The following SHANK2 variants were observed in gnomAD, a reference collection of about 807,000 sequenced individuals.
The protein encoded by SHANK2 is SH3 and multiple ankyrin repeat domains 2.
A neutral mutation model predicts 133.7 loss-of-function variants in SHANK2; 43 were observed. The ratio of observed to expected loss-of-function variants is 0.32; its 90% CI spans 0.25 to 0.41. SHANK2 has a LOEUF of 0.41. Among genes scored for constraint, SHANK2 ranks in the 10% least tolerant of loss-of-function variants. The pLI, the probability that SHANK2 is intolerant of heterozygous loss-of-function variation, is 1.00. For synonymous variants in SHANK2, 1,017 were observed against 952.8 expected (o/e 1.07, Z -1.24); for missense variants, 1,994 against 2,235.8 (o/e 0.89, Z 2.18).
rs117561057 is a variant in SHANK2 at position 71,223,808 on chromosome 11, C to T, written c.-13+889G>A. 2.5e-3 allele frequency among the ~76,000 whole-genome samples: 381 copies of T among 152,264 alleles called. 9 individuals carry two copies. The East Asian group carries it at 0.067, about 27-fold the overall frequency. ...GCACCACCAGGTACACCCCCATCCA[C>T]GTGAAAATGACGGAGAGGAACTGGA... is the stretch of plus-strand genomic sequence containing the variant. On this transcript the variant is annotated intron_variant, in intron 2 of 25. Coordinates refer to ENST00000601538, the MANE Select transcript of SHANK2 (RefSeq NM_012309.5).
chr11:71,170,081 G>A (rs924454813), intron 2 of SHANK2, among the ~76,000 whole-genome samples: 1 of 151,940 alleles, frequency 6.6e-6, no homozygotes, highest in Non-Finnish European at 1.5e-5. Context: ...AGTTAATTTG[G>A]AATATTTTAG....
intron 10 of SHANK2, among the ~76,000 whole-genome samples, chr11:70,924,970 G>A (rs886916620): frequency 2.6e-5 from 4 of 152,190 alleles, no homozygotes; most frequent in Middle Eastern, 6.8e-3. Flanking sequence ...ATCACCATCC[G>A]GGCTCACAGG....
chr11:70,628,974 G>T (rs1420767094), intron 17 of SHANK2, among the ~76,000 whole-genome samples: 3 of 152,322 alleles, frequency 2.0e-5, no homozygotes, highest in African/African-American at 7.2e-5. Context: ...TACCATTGTT[G>T]TGAGCGGAAG....
At chr11:70,901,977 C>T (rs184448932) in intron 10 of SHANK2, among the ~76,000 whole-genome samples, 13 of 152,304 alleles carry the variant, frequency 8.5e-5, no homozygotes, top group Admixed American at 8.5e-4. Context: ...GACAAGAAAC[C>T]ATGGCCTTGG....
chr11:70,845,721 C>T (rs988927588), intron 11 of SHANK2, among the ~76,000 whole-genome samples: 4 of 152,180 alleles, frequency 2.6e-5, no homozygotes, highest in South Asian at 2.1e-4. Context: ...CAGACGGCCC[C>T]GGGTGAATGA....
intron 8 of SHANK2, among the ~76,000 whole-genome samples, chr11:71,090,088 CGTGTGTGTGTGTGTGT>C (rs1302645293): frequency 7.1e-6 from 1 of 141,034 alleles, no homozygotes; most frequent in South Asian, 2.3e-4. Flanking sequence ...AGACACAGAA[CGTGTGTGTGTGTGTGT>C]GTGTGTGTGT....
At chr11:70,639,316 C>T (rs1024040563) in intron 17 of SHANK2, among the ~76,000 whole-genome samples, 1 of 152,146 alleles carries the variant, frequency 6.6e-6, no homozygotes, top group African/African-American at 2.4e-5. Flanking sequence ...TTCTAGACAA[C>T]AGAAATGTAT....
chr11:70,881,029 C>G (rs1389691292), intron 11 of SHANK2, among the ~76,000 whole-genome samples: 1 of 152,200 alleles, frequency 6.6e-6, no homozygotes, highest in Non-Finnish European at 1.5e-5. Context: ...TCTGGAAGCA[C>G]CTTGAGAGTC....
chr11:70,761,161 C>A (rs2134978680), intron 14 of SHANK2, among the ~76,000 whole-genome samples: 1 of 152,272 alleles, frequency 6.6e-6, no homozygotes, highest in South Asian at 2.1e-4. Flanking sequence ...TGTTGAAACC[C>A]AAACCTCTAA....
intron 3 of SHANK2, among the ~76,000 whole-genome samples, chr11:71,123,316 G>A (rs1952113735): frequency 6.6e-6 from 1 of 152,204 alleles, no homozygotes. Flanking sequence ...TTGTAGTGGG[G>A]AAAAACACCT....
At chr11:70,895,858 T>C (rs182008603) in intron 11 of SHANK2, among the ~76,000 whole-genome samples, 3 of 152,114 alleles carry the variant, frequency 2.0e-5, no homozygotes, top group Admixed American at 1.3e-4. Context: ...GATGTCATAT[T>C]TTTAGAGCAG....
intron 15 of SHANK2, among the ~76,000 whole-genome samples, chr11:70,695,142 G>C (rs1565247917): frequency 6.6e-6 from 1 of 152,162 alleles, no homozygotes; most frequent in Non-Finnish European, 1.5e-5. Context: ...GACAGGTGGG[G>C]GCCAGAGTCT....
intron 17 of SHANK2, among the ~76,000 whole-genome samples, chr11:70,649,647 AG>A (rs1317697168): frequency 2.7e-5 from 4 of 149,952 alleles, no homozygotes; most frequent in Non-Finnish European, 5.9e-5. Flanking sequence ...GGGAGGGAGG[AG>A]GGGGGCAGGT....
chr11:70,628,834 A>C (rs1555000954), intron 17 of SHANK2, among the ~76,000 whole-genome samples: 4 of 152,234 alleles, frequency 2.6e-5, no homozygotes, highest in Non-Finnish European at 1.5e-5. Context: ...GGGAGTGAAC[A>C]GGTCCCAGAG....
At chr11:70,924,074 C>T (rs188663436) in intron 10 of SHANK2, among the ~76,000 whole-genome samples, 35 of 152,300 alleles carry the variant, frequency 2.3e-4, no homozygotes, top group Middle Eastern at 3.4e-3. Flanking sequence ...GAAACCAATA[C>T]CATCACAGGG....
At chr11:70,478,161 T>C (rs2058687955) in intron 25 of SHANK2, among the ~76,000 whole-genome samples, 1 of 152,036 alleles carries the variant, frequency 6.6e-6, no homozygotes, top group African/African-American at 2.4e-5. Flanking sequence ...TTTTTACTGT[T>C]TACAAATTCA....
intron 14 of SHANK2, among the ~76,000 whole-genome samples, chr11:70,771,601 T>C (rs1056968892): frequency 1.1e-4 from 17 of 152,034 alleles, no homozygotes; most frequent in Admixed American, 6.5e-4. Flanking sequence ...TGGCAGTTAC[T>C]TCACAGGACA....
intron 3 of SHANK2, among the ~76,000 whole-genome samples, chr11:71,141,106 T>A (rs1952545649): frequency 6.6e-6 from 1 of 152,254 alleles, no homozygotes; most frequent in Non-Finnish European, 1.5e-5. Context: ...CTCCCGGGGC[T>A]GGCTGGCGTC....
intron 14 of SHANK2, among the ~76,000 whole-genome samples, chr11:70,777,526 T>C (rs1947393059): frequency 6.6e-6 from 1 of 151,748 alleles, no homozygotes; most frequent in Non-Finnish European, 1.5e-5. Context: ...CATTCATCCA[T>C]CCATCCATCC....
Sources: gnomAD v4.1 joint callset for allele counts (sites outside exome capture counted in the v4.1 genomes callset) on GRCh38, gnomAD v4.1.1 for gene constraint, MANE v1.5 for transcripts, NCBI Gene and HGNC (gene_info 2026-07-23, HGNC 2026-07-21) for gene names.